Variants in CPQ observed in about 807,000 individuals in gnomAD.
CPQ encodes the protein carboxypeptidase Q.
CPQ carries 37 observed loss-of-function variants against 45.7 expected under a neutral mutation model. That is an observed-to-expected ratio of 0.81 (90% CI 0.62 to 1.07). CPQ has a LOEUF of 1.07. Among genes scored for constraint, CPQ ranks in the 50% least tolerant of loss-of-function variants. The pLI is 0.00. For missense variants in CPQ, 537 were observed against 572.9 expected (o/e 0.94, Z 0.64); for synonymous variants, 186 against 205.8 (o/e 0.90, Z 0.82).
intron 4 of CPQ, among the ~76,000 whole-genome samples, chr8:96,937,592 C>G (rs934373252): frequency 6.6e-6 from 1 of 152,152 alleles, no homozygotes; most frequent in East Asian, 1.9e-4. Context: ...AAGTGAAATT[C>G]TAGTGTCTGG....
At chr8:96,798,147 A>G (rs1157778789) in intron 2 of CPQ, among the ~76,000 whole-genome samples, 4 of 151,280 alleles carry the variant, frequency 2.6e-5, no homozygotes, top group African/African-American at 9.7e-5. Flanking sequence ...ATATATATAT[A>G]TATTTCTGGT....
intron 7 of CPQ, among the ~76,000 whole-genome samples, chr8:97,125,933 T>C (rs1398550689): frequency 6.6e-6 from 1 of 152,184 alleles, no homozygotes; most frequent in Non-Finnish European, 1.5e-5. Flanking sequence ...ATTATTATTA[T>C]GAATAAACAA....
At chr8:97,093,903 A>G (rs2513358) in intron 7 of CPQ, among the ~76,000 whole-genome samples, 118,460 of 152,074 alleles carry the variant, frequency 0.78, 46,260 homozygotes, top group African/African-American at 0.81. Context: ...GGAAATACTA[A>G]AATCTGTTTT....
intron 6 of CPQ, among the ~76,000 whole-genome samples, chr8:97,065,212 A>G (rs1810616935): frequency 8.4e-6 from 1 of 119,048 alleles, no homozygotes; most frequent in Admixed American, 7.5e-5. Flanking sequence ...GAAGGATCTT[A>G]AAGTTGCAAG....
intron 5 of CPQ, among the ~76,000 whole-genome samples, chr8:96,966,649 G>A (rs1813569691): frequency 6.6e-6 from 1 of 152,220 alleles, no homozygotes; most frequent in South Asian, 2.1e-4. Flanking sequence ...GACATTGCCA[G>A]ATGTCCCCTG....
At chr8:97,003,926 G>C (rs1474902035) in intron 5 of CPQ, among the ~76,000 whole-genome samples, 1 of 152,088 alleles carries the variant, frequency 6.6e-6, no homozygotes, top group Non-Finnish European at 1.5e-5. Flanking sequence ...ATCAGACTTA[G>C]TAAGACATTT....
chr8:96,980,296 C>T (rs560587274), intron 5 of CPQ, among the ~76,000 whole-genome samples: 2 of 152,102 alleles, frequency 1.3e-5, no homozygotes, highest in Admixed American at 6.5e-5. Context: ...CTATGCCCAA[C>T]TAATTTTTGT....
At chr8:97,134,687 T>C (rs1812018856) in intron 7 of CPQ, among the ~76,000 whole-genome samples, 1 of 152,148 alleles carries the variant, frequency 6.6e-6, no homozygotes, top group South Asian at 2.1e-4. Flanking sequence ...TTTCCCGAGA[T>C]AGGGCAGTGA....
chr8:96,946,631 T>C (rs751538081), intron 4 of CPQ, among the ~76,000 whole-genome samples: 35 of 127,432 alleles, frequency 2.7e-4, no homozygotes, highest in Non-Finnish European at 4.9e-4. Flanking sequence ...TAAATTAACA[T>C]GCCCCTCCAT....
At chr8:96,873,180 G>T (rs1413998004) in intron 3 of CPQ, among the ~76,000 whole-genome samples, 2 of 151,830 alleles carry the variant, frequency 1.3e-5, no homozygotes, top group African/African-American at 2.4e-5. Context: ...TTCATGTGGA[G>T]TCTGTCATCA....
intron 2 of CPQ, among the ~76,000 whole-genome samples, chr8:96,796,334 A>G (rs1810928274): frequency 6.6e-6 from 1 of 152,086 alleles, no homozygotes. Flanking sequence ...CTATTTTTCT[A>G]CTGGTGCTTT....
At chr8:97,123,378 AT>A (rs1465356251) in intron 7 of CPQ, among the ~76,000 whole-genome samples, 3 of 150,226 alleles carry the variant, frequency 2.0e-5, no homozygotes, top group Admixed American at 6.6e-5. Flanking sequence ...ATAGGAAAAA[AT>A]ATATGATAAT....
chr8:96,701,170 T>A (rs947732603), intron 1 of CPQ, among the ~76,000 whole-genome samples: 17 of 152,220 alleles, frequency 1.1e-4, no homozygotes, highest in African/African-American at 4.1e-4. Flanking sequence ...TGGGTTTGAA[T>A]CCTTGCTCAG....
chr8:96,802,990 T>TACACAC lies in CPQ; in HGVS notation c.433+17686_433+17691dup, dbSNP rs71569185. Among the ~76,000 whole-genome samples, 467 of 144,014 alleles carry TACACAC rather than the reference T, an allele frequency of 3.2e-3. 13 individuals carry two copies. The South Asian group carries it at 0.068, about 21-fold the overall frequency. 94.5% of individuals were successfully genotyped at this position (144,014 alleles called of 152,430 possible). ...AAGGTTCTCAAAAGAAACAGAAGCA[T>TACACAC]ACACACACACACACACACACACACA... On this transcript the variant is annotated intron_variant, in intron 2 of 7. Coordinates refer to ENST00000220763, the MANE Select transcript of CPQ (RefSeq NM_016134.4).
rs540109100 is a variant in CPQ at position 96,976,627 on chromosome 8, G to A, written c.961+10581G>A. On this transcript the variant is annotated intron_variant, in intron 5 of 7. Coordinates refer to ENST00000220763, the MANE Select transcript of CPQ (RefSeq NM_016134.4). ...CTATAAGGCCTTAGACACCAAAACA[G>A]CATGGTACTGGTATAAAAATAGGCA... 1.2e-4 allele frequency among the ~76,000 whole-genome samples: 19 copies of A among 152,184 alleles called. No individual in the cohort carries two copies. In the South Asian group the frequency reaches 3.7e-3, roughly 30 times the overall value.
intron 4 of CPQ, among the ~76,000 whole-genome samples, chr8:96,962,130 G>A (rs560600045): frequency 1.3e-5 from 2 of 152,188 alleles, no homozygotes; most frequent in African/African-American, 4.8e-5. Context: ...GTTCGACTGC[G>A]GTGTATTCTT....
intron 1 of CPQ, among the ~76,000 whole-genome samples, chr8:96,649,243 T>A (rs1040278467): frequency 6.6e-6 from 1 of 152,208 alleles, no homozygotes. Context: ...TCCCAAAGTG[T>A]TGGGATTACA....
At chr8:96,742,418 A>T (rs551332771) in intron 1 of CPQ, among the ~76,000 whole-genome samples, 8 of 152,146 alleles carry the variant, frequency 5.3e-5, no homozygotes, top group African/African-American at 1.4e-4. Flanking sequence ...ATGGGTCTTG[A>T]CTCTTTATCC....
intron 1 of CPQ, among the ~76,000 whole-genome samples, chr8:96,694,573 A>C (rs1222110076): frequency 6.6e-6 from 1 of 152,196 alleles, no homozygotes; most frequent in South Asian, 2.1e-4. Context: ...TATGTCAAAT[A>C]TCTTCTCTGA....
Sources: gnomAD v4.1 joint callset for allele counts (sites outside exome capture counted in the v4.1 genomes callset) on GRCh38, gnomAD v4.1.1 for gene constraint, MANE v1.5 for transcripts, NCBI Gene and HGNC (gene_info 2026-07-23, HGNC 2026-07-21) for gene names.